ATP2C2: variants seen among roughly 807,000 people sequenced by gnomAD.
ATP2C2 encodes the protein ATPase secretory pathway Ca2+ transporting 2.
ATP2C2 carries 171 observed loss-of-function variants against 110.8 expected under a neutral mutation model. The observed-to-expected ratio is 1.54, with a 90% confidence interval of 1.36 to 1.75. The LOEUF is 1.75. Among genes scored for constraint, ATP2C2 ranks in the 40% most tolerant of loss-of-function variants. ATP2C2 has a pLI of 0.00. For synonymous variants in ATP2C2, 804 were observed against 508.4 expected (o/e 1.58, Z -7.82); for missense variants, 1,963 against 1,235.0 (o/e 1.59, Z -8.84).
chr16:84,412,306 A>C (rs1186214728), intron 6 of ATP2C2, among the ~76,000 whole-genome samples: 1 of 141,668 alleles, frequency 7.1e-6, no homozygotes. Context: ...GTGTGTGAGC[A>C]TGTCTGCACG....
At chr16:84,377,370 A>G (rs566766774) in intron 1 of ATP2C2, among the ~76,000 whole-genome samples, 4 of 152,258 alleles carry the variant, frequency 2.6e-5, no homozygotes, top group East Asian at 3.9e-4. Context: ...TTGTCAATGA[A>G]TATGAATCCC....
chr16:84,430,507 G>C (rs1322098684), intron 11 of ATP2C2, among the ~76,000 whole-genome samples: 1 of 152,124 alleles, frequency 6.6e-6, no homozygotes, highest in Non-Finnish European at 1.5e-5. Context: ...TAGGCGTGGT[G>C]GCACGTGCCT....
At chr16:84,461,873 C>A (rs1911390663) in intron 25 of ATP2C2, 61 bp downstream of exon 25, 3 of 1,608,040 alleles carry the variant, frequency 1.9e-6, no homozygotes, top group Non-Finnish European at 1.7e-6. Flanking sequence ...CAGCAGCGCC[C>A]CGACCCTGCC....
At chr16:84,463,560 G>T in intron 26 of ATP2C2, 54 bp from the exon 27 acceptor site, 2 of 1,494,148 alleles carry the variant, frequency 1.3e-6, no homozygotes, top group Non-Finnish European at 1.9e-6. Flanking sequence ...GCTTCCTGCC[G>T]GCGCAACAGA....
At chr16:84,463,245 G>A (rs1025459120) in intron 26 of ATP2C2, among the ~76,000 whole-genome samples, 2 of 151,120 alleles carry the variant, frequency 1.3e-5, no homozygotes, top group African/African-American at 4.9e-5. Context: ...ATGTCGGGGT[G>A]CACTGGACAG....
intron 14 of ATP2C2, among the ~76,000 whole-genome samples, chr16:84,441,662 T>C (rs111881058): frequency 6.3e-4 from 95 of 151,996 alleles, no homozygotes; most frequent in Admixed American, 1.2e-3. Flanking sequence ...GGCTCATGCC[T>C]ATAATCCCAG....
intron 10 of ATP2C2, among the ~76,000 whole-genome samples, chr16:84,424,904 G>C (rs979693744): frequency 1.3e-5 from 2 of 152,250 alleles, no homozygotes; most frequent in South Asian, 4.2e-4. Flanking sequence ...AGTACCTAGT[G>C]GGGGTGGCTC....
intron 21 of ATP2C2, among the ~76,000 whole-genome samples, chr16:84,458,483 CTT>C (rs1160953263): frequency 1.4e-5 from 1 of 72,672 alleles, no homozygotes; most frequent in Non-Finnish European, 3.0e-5. Context: ...TACCCTAAAA[CTT>C]AGAGTATAAT....
At chr16:84,373,065 A>C (rs1013105188) in intron 1 of ATP2C2, among the ~76,000 whole-genome samples, 12 of 150,806 alleles carry the variant, frequency 8.0e-5, no homozygotes, top group South Asian at 2.1e-4. Flanking sequence ...GGTTGCAGAG[A>C]GCTGAGATCA....
intron 11 of ATP2C2, among the ~76,000 whole-genome samples, chr16:84,436,039 G>A (rs549265047): frequency 7.4e-4 from 112 of 152,234 alleles, no homozygotes; most frequent in African/African-American, 2.6e-3. Context: ...TGAGGCAGGA[G>A]AATTGCATGA....
At chr16:84,408,272 C>T in intron 3 of ATP2C2, 133 bp from the exon 4 acceptor site, 4 of 803,748 alleles carry the variant, frequency 5.0e-6, no homozygotes, top group South Asian at 3.2e-5. Context: ...CCCCAGCCCT[C>T]GGTCACCATG....
intron 13 of ATP2C2, 133 bp downstream of exon 13, chr16:84,439,657 C>T (rs1340947919): frequency 6.0e-6 from 5 of 827,038 alleles, no homozygotes; most frequent in Non-Finnish European, 9.7e-6. Context: ...AATCTCCTTG[C>T]TAACATGACT....
At chr16:84,423,293 G>C in intron 10 of ATP2C2, 30 bp downstream of exon 10, 1 of 1,597,750 alleles carries the variant, frequency 6.3e-7, no homozygotes, top group South Asian at 1.1e-5. Flanking sequence ...TACTGGGTTT[G>C]TTCTGCAGAT....
chr16:84,444,637 C>T (rs1044064202), intron 15 of ATP2C2, among the ~76,000 whole-genome samples: 3 of 152,224 alleles, frequency 2.0e-5, no homozygotes, highest in African/African-American at 4.8e-5. Context: ...GGGAAGGTGC[C>T]GGCCTGACCG....
chr16:84,395,790 GTGTC>G (rs906155953), intron 1 of ATP2C2, among the ~76,000 whole-genome samples: 29 of 152,114 alleles, frequency 1.9e-4, no homozygotes, highest in African/African-American at 6.8e-4. Context: ...ATGAGCCACT[GTGTC>G]TGGCCCTTTT....
chr16:84,368,833 C>G (rs1350987901), intron 1 of ATP2C2, 119 bp downstream of exon 1: 1 of 876,214 alleles, frequency 1.1e-6, no homozygotes, highest in African/African-American at 1.8e-5. Flanking sequence ...CCCTCCTCCC[C>G]TGGCTCTGGA....
chr16:84,418,130 G>A (rs529984655), intron 7 of ATP2C2, among the ~76,000 whole-genome samples: 1 of 152,320 alleles, frequency 6.6e-6, no homozygotes, highest in South Asian at 2.1e-4. Flanking sequence ...AAAGAAAAAG[G>A]GAATTGGGTC....
intron 1 of ATP2C2, among the ~76,000 whole-genome samples, chr16:84,389,451 G>A (rs1319906155): frequency 6.6e-6 from 1 of 152,238 alleles, no homozygotes; most frequent in Non-Finnish European, 1.5e-5. Context: ...ATGACACACA[G>A]TCATGGTTGA....
intron 11 of ATP2C2, among the ~76,000 whole-genome samples, chr16:84,427,137 C>T (rs1006590425): frequency 6.6e-6 from 1 of 152,188 alleles, no homozygotes; most frequent in African/African-American, 2.4e-5. Context: ...GCACACGCAG[C>T]TGCTGTCTGC....
Sources: gnomAD v4.1 joint callset for allele counts (sites outside exome capture counted in the v4.1 genomes callset) on GRCh38, gnomAD v4.1.1 for gene constraint, MANE v1.5 for transcripts, NCBI Gene and HGNC (gene_info 2026-07-23, HGNC 2026-07-21) for gene names.